Variants in ETV6 observed in about 807,000 individuals in gnomAD.
ETV6 encodes the protein ETS variant transcription factor 6, also known as transcription factor ETV6.
In ETV6, 16 loss-of-function variants were observed where a neutral mutation model predicts 51.1. The ratio of observed to expected loss-of-function variants is 0.31; its 90% CI spans 0.21 to 0.48. ETV6 has a LOEUF of 0.48. ETV6 is among the 20% of genes least tolerant of loss of function. ETV6 has a pLI of 0.99. For synonymous variants in ETV6, 240 were observed against 224.1 expected (o/e 1.07, Z -0.64); for missense variants, 458 against 594.8 (o/e 0.77, Z 2.39).
intron 1 of ETV6, among the ~76,000 whole-genome samples, chr12:11,749,576 A>G (rs1490860461): frequency 6.6e-6 from 1 of 152,132 alleles, no homozygotes; most frequent in East Asian, 1.9e-4. Flanking sequence ...TATTTGGTTA[A>G]TTTTTCCAAT....
intron 1 of ETV6, among the ~76,000 whole-genome samples, chr12:11,715,212 C>T (rs1865252563): frequency 6.6e-6 from 1 of 152,110 alleles, no homozygotes; most frequent in Admixed American, 6.5e-5. Flanking sequence ...TTTCACTGGC[C>T]TTTAGATAGA....
intron 1 of ETV6, among the ~76,000 whole-genome samples, chr12:11,696,034 AAAG>A (rs1864872911): frequency 6.6e-6 from 1 of 152,084 alleles, no homozygotes; most frequent in Non-Finnish European, 1.5e-5. Context: ...GGGAAAAAAA[AAAG>A]AAACTTTTTC....
At chr12:11,732,406 GCC>G (rs1343180856) in intron 1 of ETV6, among the ~76,000 whole-genome samples, 1 of 152,076 alleles carries the variant, frequency 6.6e-6, no homozygotes, top group African/African-American at 2.4e-5. Context: ...AATTTCTAAG[GCC>G]CCTTCCTGCC....
At chr12:11,650,474 G>A (rs1342693103) in intron 1 of ETV6, among the ~76,000 whole-genome samples, 1 of 89,928 alleles carries the variant, frequency 1.1e-5, no homozygotes, top group African/African-American at 4.5e-5. Context: ...CCCGTAATTA[G>A]TGCGCTTAAA....
At chr12:11,698,207 C>A (rs1056839130) in intron 1 of ETV6, among the ~76,000 whole-genome samples, 2 of 152,204 alleles carry the variant, frequency 1.3e-5, no homozygotes, top group Non-Finnish European at 2.9e-5. Context: ...CATAGAAATA[C>A]GTGTGTATTT....
intron 2 of ETV6, among the ~76,000 whole-genome samples, chr12:11,827,671 C>T (rs1946178373): frequency 6.6e-6 from 1 of 152,112 alleles, no homozygotes; most frequent in Non-Finnish European, 1.5e-5. Flanking sequence ...CCCGAGAGGG[C>T]TGGGAACAGG....
At chr12:11,696,740 C>T (rs566551004) in intron 1 of ETV6, among the ~76,000 whole-genome samples, 14 of 152,158 alleles carry the variant, frequency 9.2e-5, no homozygotes, top group African/African-American at 2.9e-4. Context: ...TGCCTGAACC[C>T]GGGAGATGGA....
At chr12:11,708,471 C>T (rs931231971) in intron 1 of ETV6, among the ~76,000 whole-genome samples, 2 of 152,126 alleles carry the variant, frequency 1.3e-5, no homozygotes, top group African/African-American at 4.8e-5. Flanking sequence ...GCTGAGGTGC[C>T]ACCTCCCTGG....
chr12:11,691,865 G>A (rs1249760917), intron 1 of ETV6, among the ~76,000 whole-genome samples: 1 of 152,176 alleles, frequency 6.6e-6, no homozygotes, highest in Admixed American at 6.5e-5. Context: ...TTGTGTTCGT[G>A]ACTCCATTAT....
At chr12:11,742,997 G>A (rs988754347) in intron 1 of ETV6, among the ~76,000 whole-genome samples, 8 of 151,700 alleles carry the variant, frequency 5.3e-5, no homozygotes, top group Non-Finnish European at 1.0e-4. Context: ...TTGTAGAGAC[G>A]GGGTTTCGCC....
At chr12:11,697,922 T>A (rs1864907746) in intron 1 of ETV6, among the ~76,000 whole-genome samples, 1 of 152,118 alleles carries the variant, frequency 6.6e-6, no homozygotes, top group Non-Finnish European at 1.5e-5. Flanking sequence ...GGCAAGAGGA[T>A]TTGGACTTGA....
intron 1 of ETV6, among the ~76,000 whole-genome samples, chr12:11,696,258 A>C (rs58666835): frequency 6.6e-6 from 1 of 152,136 alleles, no homozygotes; most frequent in Non-Finnish European, 1.5e-5. Context: ...ACTAGTACGT[A>C]CACTCCATGG....
intron 1 of ETV6, among the ~76,000 whole-genome samples, chr12:11,728,039 C>T (rs180840911): frequency 6.6e-6 from 1 of 152,098 alleles, no homozygotes; most frequent in Non-Finnish European, 1.5e-5. Flanking sequence ...AGGCGGTTCT[C>T]GAACTCCTGA....
chr12:11,880,404 C>T (rs964855207), intron 5 of ETV6, among the ~76,000 whole-genome samples: 1 of 152,110 alleles, frequency 6.6e-6, no homozygotes, highest in African/African-American at 2.4e-5. Context: ...TCTGGTAAGC[C>T]CTGCCCTTCC....
chr12:11,741,432 G>A (rs914704268), intron 1 of ETV6, among the ~76,000 whole-genome samples: 25 of 152,202 alleles, frequency 1.6e-4, no homozygotes, highest in African/African-American at 5.8e-4. Flanking sequence ...CCAAAAGTGG[G>A]GTGGGTTTTC....
rs577618231 is a variant in ETV6, at chr12:11,748,644, T to G, written c.34-3806T>G. Among the ~76,000 whole-genome samples, 257 of 152,304 alleles carry G rather than the reference T, an allele frequency of 1.7e-3. 1 individual carries two copies. Among genetic ancestry groups the G allele is most frequent in the African/African-American group, 5.8e-3 (242 of 41,554 alleles). On this transcript the variant is annotated intron_variant, in intron 1 of 7. Transcript: ENST00000396373. ...TTCATTTTTTGACTCTTCTGTAATATGCAACCTGAGGGTGGGTGTGGGGGA... is the reference window on the plus strand; with the variant it reads ...TTCATTTTTTGACTCTTCTGTAATAGGCAACCTGAGGGTGGGTGTGGGGGA...
chr12:11,762,380 C>A (rs199720699), intron 2 of ETV6, among the ~76,000 whole-genome samples: 1 of 152,202 alleles, frequency 6.6e-6, no homozygotes, highest in Admixed American at 6.5e-5. Flanking sequence ...CAACTCAAGG[C>A]GTGTTTGCCT....
chr12:11,693,854 C>G (rs1397169362), intron 1 of ETV6, among the ~76,000 whole-genome samples: 2 of 152,174 alleles, frequency 1.3e-5, no homozygotes, highest in Admixed American at 1.3e-4. Context: ...CTATGGCTAG[C>G]AGAGGGAGTG....
intron 1 of ETV6, among the ~76,000 whole-genome samples, chr12:11,684,046 GGTA>G (rs1346434747): frequency 2.6e-5 from 4 of 152,188 alleles, no homozygotes; most frequent in African/African-American, 9.7e-5. Context: ...AGAGGGTAAA[GGTA>G]GTCATTTGTC....
Sources: allele counts gnomAD v4.1 joint callset (sites outside exome capture counted in the v4.1 genomes callset), GRCh38; gene constraint gnomAD v4.1.1; transcripts MANE v1.5; gene names NCBI Gene and HGNC (gene_info 2026-07-23, HGNC 2026-07-21).